The following MATR3 variants were observed in gnomAD, a reference collection of about 807,000 sequenced individuals.
MATR3 encodes the protein matrin 3.
In MATR3, 4 loss-of-function variants were observed where a neutral mutation model predicts 85.5. That is an observed-to-expected ratio of 0.05 (90% CI 0.02 to 0.11). The LOEUF is 0.11. MATR3 is among the 10% of genes least tolerant of loss of function. MATR3 has a pLI of 1.00. For synonymous variants in MATR3, 336 were observed against 343.1 expected (o/e 0.98, Z 0.23); for missense variants, 685 against 1,016.1 (o/e 0.67, Z 4.43).
Position 139,325,449 on chromosome 5 carries a change from A to G in MATR3, c.2158A>G (p.Ile720Val), listed in dbSNP as rs775877374. ...AKKKLKKVDK[I>V]EELDQENEAA... ...TTTGGTTGAAATTAAGGTGGACAAG[A>G]TCGAGGAACTTGATCAAGAAAACGA... The change falls in exon 13 of 15, where the codon ATC (isoleucine) becomes GTC (valine). Residue 720 changes from isoleucine to valine, a missense_variant. Physicochemically the swap from Ile to Val is conservative, Grantham distance 29 (BLOSUM62 3). This residue lies in a region of MATR3 where 215 missense variants were observed against 194.7 expected (regional missense o/e 1.10). Transcript: ENST00000394805. 3.7e-6 allele frequency: 6 copies of G among 1,614,196 alleles called. No homozygotes were observed. The highest frequency in any genetic ancestry group is 5.1e-6 in the Non-Finnish European group (6 of 1,180,048).
chr5:139,331,333 C>T lies in MATR3; in HGVS notation c.*1938C>T. The T allele has an allele frequency of 4.4e-6, 2 of 454,108 alleles. No homozygotes were observed. The highest frequency in any genetic ancestry group is 8.8e-6 in the Non-Finnish European group (2 of 226,794). 28.1% of individuals were successfully genotyped at this position (454,108 alleles called of 1,614,324 possible). A position where few individuals can be genotyped will look rare whatever the true frequency, so the allele number is the denominator to read the frequency against. The stretch of plus-strand genomic sequence containing the variant: ...ACTTCTGTTTAATTCCAATTTTTAA[C>T]AGCAGGTACATAAAGCATTATGTGC... On this transcript the variant is annotated 3_prime_UTR_variant, in exon 15 of 15. Coordinates refer to ENST00000394805, the MANE Select transcript of MATR3 (RefSeq NM_018834.6).
chr5:139,330,120 C>G lies in MATR3; in HGVS notation c.*725C>G, dbSNP rs1756065244. On this transcript the variant is annotated 3_prime_UTR_variant, in exon 15 of 15. Transcript: ENST00000394805. Reference sequence around the variant, plus strand: ...GATCTTACTGCTTGTCACTTGAATCCCGTGATTGTCATACATCTCTGGTAT... The same window carrying G: ...GATCTTACTGCTTGTCACTTGAATCGCGTGATTGTCATACATCTCTGGTAT... 2 of 454,436 alleles carry G rather than the reference C, an allele frequency of 4.4e-6. No individual in the cohort carries two copies. Among genetic ancestry groups the G allele is most frequent in the South Asian group, 1.6e-5 (1 of 64,474 alleles). The allele number at this position is 454,436 out of a possible 1,614,324, so 28.2% of individuals were successfully genotyped here.
chr5:139,284,695 T>C (rs887882835), intron 3 of MATR3, among the ~76,000 whole-genome samples: 3 of 152,246 alleles, frequency 2.0e-5, no homozygotes, highest in African/African-American at 7.2e-5. Flanking sequence ...TAGGCTTTTG[T>C]TACTTATTTC....
chr5:139,294,226 A>T, intron 1 of MATR3: 1 of 428,854 alleles, frequency 2.3e-6, no homozygotes, highest in Non-Finnish European at 4.0e-6. Context: ...GGCCTGAGGG[A>T]CAGACTGTAC....
chr5:139,300,767 C>G (rs1162782837), intron 1 of MATR3, among the ~76,000 whole-genome samples: 1 of 152,194 alleles, frequency 6.6e-6, no homozygotes, highest in East Asian at 1.9e-4. Context: ...CTCAGCCTCC[C>G]CAGTAGCTGG....
At chr5:139,311,819 G>A (rs1057112879) in intron 2 of MATR3, 1 of 128,750 alleles carries the variant, frequency 7.8e-6, no homozygotes, top group Non-Finnish European at 1.5e-5. Context: ...CCAGGCTGGA[G>A]TACAGTGGCG....
At chr5:139,314,941 T>C in intron 3 of MATR3, 2 of 520,760 alleles carry the variant, frequency 3.8e-6, no homozygotes, top group Non-Finnish European at 6.9e-6. Context: ...TATTTTGTTA[T>C]TTAACATTTC....
In MATR3 at chr5:139,329,828, C is replaced by A; in HGVS notation, c.*433C>A. ...ATTCCATGTTTTAATCTGAGCCTTGCAGACTTTCATTTGGAGTTTGAACCC... is the reference window on the plus strand; with the variant it reads ...ATTCCATGTTTTAATCTGAGCCTTGAAGACTTTCATTTGGAGTTTGAACCC... On this transcript the variant is annotated 3_prime_UTR_variant, in exon 15 of 15. Transcript: ENST00000394805. 2.2e-6 allele frequency: 1 copy of A among 454,584 alleles called. No individual in the cohort carries two copies. The allele number at this position is 454,584 out of a possible 1,614,324, so 28.2% of individuals were successfully genotyped here.
At chr5:139,326,023 C>T (rs923371288) in intron 13 of MATR3, 140 bp from the exon 14 acceptor site, 28 of 747,708 alleles carry the variant, frequency 3.7e-5, no homozygotes, top group South Asian at 7.5e-5. Context: ...AAATATGGTT[C>T]GGTTTTTGTT....
chr5:139,288,897 C>T (rs1726262920), upstream of MATR3, among the ~76,000 whole-genome samples: 1 of 152,174 alleles, frequency 6.6e-6, no homozygotes, highest in Non-Finnish European at 1.5e-5. Context: ...CCTCAACCTC[C>T]CAAAGTGCTG....
chr5:139,285,719 A>G (rs902534996), intron 3 of MATR3, among the ~76,000 whole-genome samples: 1 of 152,216 alleles, frequency 6.6e-6, no homozygotes, highest in Non-Finnish European at 1.5e-5. Flanking sequence ...CATGAACAAT[A>G]TGAAGTTCAA....
At chr5:139,275,289 G>T (rs1002168634) in intron 1 of MATR3, among the ~76,000 whole-genome samples, 1 of 151,330 alleles carries the variant, frequency 6.6e-6, no homozygotes, top group African/African-American at 2.4e-5. Flanking sequence ...GAGCCACCGC[G>T]CCCGGCCTAA....
intron 1 of MATR3, chr5:139,274,442 CA>C (rs1302312536): frequency 4.7e-6 from 1 of 211,848 alleles, no homozygotes; most frequent in Non-Finnish European, 9.8e-6. Flanking sequence ...TTGTGAGGAA[CA>C]AATGTCCGGT....
intron 2 of MATR3, chr5:139,312,636 GT>G (rs1309874210): frequency 6.6e-6 from 1 of 152,076 alleles, no homozygotes; most frequent in African/African-American, 2.4e-5. Context: ...TTCCATTTTA[GT>G]TTACAGGATT....
At chr5:139,279,719 G>C (rs569149981) in intron 3 of MATR3, 6 of 152,784 alleles carry the variant, frequency 3.9e-5, no homozygotes, top group Non-Finnish European at 5.8e-5. Flanking sequence ...GGTCAGGCTG[G>C]TCTCGAACTC....
chr5:139,314,926 A>G, intron 3 of MATR3, 190 bp downstream of exon 3: 1 of 553,272 alleles, frequency 1.8e-6, no homozygotes, highest in Non-Finnish European at 3.3e-6. Context: ...TAGATGCAGT[A>G]ATAATATTTT....
In MATR3 at chr5:139,307,749, T is replaced by C. The variant is rs1355502588; in HGVS notation, c.334T>C (p.Leu112=). The C allele has an allele frequency of 6.2e-7, 1 of 1,614,026 alleles. No homozygotes were observed. Among genetic ancestry groups the C allele is most frequent in the African/African-American group, 1.3e-5 (1 of 74,922 alleles). ...RGDADQASNI[L]ASFGLSARDL... is the part of the protein sequence containing the mutation. ...AGATGCAGACCAGGCCAGTAACATT[T>C]TGGCCAGCTTTGGTCTGTCTGCTAG... is the stretch of plus-strand genomic sequence containing the variant. The change falls in exon 2 of 15, where the codon TTG becomes CTG. Residue 112 remains leucine (L), a synonymous_variant. Transcript: ENST00000394805. This position sits in a 1 kb window ranked among gnomAD's most constrained non-coding sequence, Gnocchi z 4.4.
intron 9 of MATR3, among the ~76,000 whole-genome samples, chr5:139,320,806 G>A (rs1290852084): frequency 7.2e-6 from 1 of 139,576 alleles, no homozygotes; most frequent in Non-Finnish European, 1.5e-5. Flanking sequence ...GTAGTGCAGT[G>A]GTGCAATCTC....
At chr5:139,280,337 G>A (rs980646866) in intron 3 of MATR3, among the ~76,000 whole-genome samples, 1 of 152,204 alleles carries the variant, frequency 6.6e-6, no homozygotes, top group Non-Finnish European at 1.5e-5. Context: ...CTGTCCTGGA[G>A]AATGAAATTC....
Sources: allele counts gnomAD v4.1 joint callset (sites outside exome capture counted in the v4.1 genomes callset), GRCh38; gene constraint gnomAD v4.1.1; regional missense constraint gnomAD v4.1.1; non-coding constraint Gnocchi (gnomAD v3.1); transcripts MANE v1.5; gene names NCBI Gene and HGNC (gene_info 2026-07-23, HGNC 2026-07-21).